DCAF5: variants seen among roughly 807,000 people sequenced by gnomAD.
DCAF5 encodes the protein DDB1- and CUL4-associated factor 5.
DCAF5 carries 9 observed loss-of-function variants against 80.7 expected under a neutral mutation model. That is an observed-to-expected ratio of 0.11 (90% confidence interval 0.07 to 0.19). DCAF5 has a LOEUF of 0.19. Ranked by LOEUF, DCAF5 falls within the 10% of genes least tolerant of loss-of-function variation. DCAF5 has a pLI of 1.00. For synonymous variants in DCAF5, 433 were observed against 461.9 expected (o/e 0.94, Z 0.80); for missense variants, 842 against 1,205.7 (o/e 0.70, Z 4.47).
At chr14:69,094,677 T>A (rs2039639694) in intron 5 of DCAF5, among the ~76,000 whole-genome samples, 1 of 152,216 alleles carries the variant, frequency 6.6e-6, no homozygotes, top group African/African-American at 2.4e-5. Flanking sequence ...TGATCTGGTT[T>A]GCCGGGAAGG....
chr14:69,144,933 C>G (rs1223258131), intron 1 of DCAF5, among the ~76,000 whole-genome samples: 1 of 152,194 alleles, frequency 6.6e-6, no homozygotes, highest in Non-Finnish European at 1.5e-5. Context: ...AAATGAAAAT[C>G]CTTCCATTTC....
chr14:69,073,322 G>T (rs913319806), intron 7 of DCAF5, among the ~76,000 whole-genome samples: 1 of 152,172 alleles, frequency 6.6e-6, no homozygotes, highest in African/African-American at 2.4e-5. Flanking sequence ...GTGAGAAGGT[G>T]GCCAAGGAAA....
chr14:69,119,963 G>A (rs1361023549), intron 2 of DCAF5, among the ~76,000 whole-genome samples: 1 of 152,104 alleles, frequency 6.6e-6, no homozygotes, highest in African/African-American at 2.4e-5. Context: ...TCAGAATAGG[G>A]CTGATCACTT....
At position 69,071,874 on chromosome 14, in the gene DCAF5, G is replaced by A. The variant is rs2038706211; in HGVS notation, c.946+3471C>T. Reference sequence around the variant, plus strand: ...AAATTGAGGTATTACATATAAAAATGAGAGGTACCAAATAGTCCTGAAGCC... The same window carrying A: ...AAATTGAGGTATTACATATAAAAATAAGAGGTACCAAATAGTCCTGAAGCC... On this transcript the variant is annotated intron_variant, in intron 7 of 8. Transcript: ENST00000341516. Among the ~76,000 whole-genome samples, 3 of 152,186 alleles carry A rather than the reference G, an allele frequency of 2.0e-5. No homozygotes were observed. The South Asian group carries it at 6.2e-4, about 32-fold the overall frequency.
At chr14:69,075,019 A>G (rs1190460634) in intron 7 of DCAF5, among the ~76,000 whole-genome samples, 1 of 149,956 alleles carries the variant, frequency 6.7e-6, no homozygotes, top group Non-Finnish European at 1.5e-5. Context: ...GGGCAACAAG[A>G]GTGAAACTTT....
At position 69,055,405 on chromosome 14, in the gene DCAF5, G is replaced by T. The variant is rs894544978; in HGVS notation, c.1281C>A (p.Ile427=). 14 of 1,614,146 alleles carry T rather than the reference G, an allele frequency of 8.7e-6. No individual in the cohort carries two copies. The highest frequency in any genetic ancestry group is 1.2e-5 in the Non-Finnish European group (14 of 1,180,024). ...AFFDSLVRRE[I]EGWSSDSDSD... ...TGTCTGAGTCAGAGCTCCAGCCCTCGATCTCTCGGCGTACCAGTGAGTCAA... is the reference window on the plus strand; with the variant it reads ...TGTCTGAGTCAGAGCTCCAGCCCTCTATCTCTCGGCGTACCAGTGAGTCAA... Residue 427 remains isoleucine, a synonymous_variant, in exon 9 of 9, where the codon ATC becomes ATA. Transcript: ENST00000341516. The surrounding 1 kb of genome is among the most constrained non-coding windows in gnomAD (Gnocchi z 5.6).
intron 8 of DCAF5, among the ~76,000 whole-genome samples, chr14:69,058,509 A>G (rs922897504): frequency 1.3e-5 from 2 of 150,142 alleles, no homozygotes; most frequent in African/African-American, 4.9e-5. Context: ...ACAAGAGCGA[A>G]ATCCTGTCTC....
In DCAF5 at chr14:69,152,727, TGCGGGGAGGC is replaced by T. The variant is rs768710108; in HGVS notation, c.214+28_214+37del. Reference sequence around the variant, plus strand: ...GAGCGAGAGGGGGAGGCTGGGAGGGTGCGGGGAGGCGCGGGGAGGGGAAGGGGGTTGATTT... The same window carrying T: ...GAGCGAGAGGGGGAGGCTGGGAGGGTGCGGGGAGGGGAAGGGGGTTGATTT... On this transcript the variant is annotated intron_variant, in intron 1 of 8. Transcript: ENST00000341516. The surrounding 1 kb of genome is among the most constrained non-coding windows in gnomAD (Gnocchi z 4.1). 9.8e-6 allele frequency: 14 copies of T among 1,430,914 alleles called. No homozygotes were observed. The highest frequency in any genetic ancestry group is 6.0e-5 in the Admixed American group (3 of 49,622). The allele number at this position is 1,430,914 out of a possible 1,614,324, so 88.6% of individuals were successfully genotyped here.
intron 7 of DCAF5, among the ~76,000 whole-genome samples, chr14:69,070,401 A>C (rs551571581): frequency 2.0e-4 from 31 of 152,356 alleles, no homozygotes; most frequent in African/African-American, 7.0e-4. Context: ...CTTGTATTTG[A>C]ATACACATTG....
chr14:69,061,938 T>C (rs2038231140), intron 8 of DCAF5, among the ~76,000 whole-genome samples: 1 of 152,180 alleles, frequency 6.6e-6, no homozygotes, highest in African/African-American at 2.4e-5. Flanking sequence ...AAGGATCGCT[T>C]GAGCCCAGAA....
At chr14:69,108,183 G>C (rs2040230049) in intron 5 of DCAF5, among the ~76,000 whole-genome samples, 1 of 152,206 alleles carries the variant, frequency 6.6e-6, no homozygotes, top group Non-Finnish European at 1.5e-5. Flanking sequence ...AGAAGTTAGG[G>C]ACAGCTGCAT....
At chr14:69,091,118 G>A (rs764922026) in intron 6 of DCAF5, 8 of 756,322 alleles carry the variant, frequency 1.1e-5, no homozygotes, top group Non-Finnish European at 1.2e-5. Context: ...GAAAAGGCTG[G>A]AAACTCACAG....
chr14:69,108,454 C>T (rs80037431), intron 5 of DCAF5, among the ~76,000 whole-genome samples: 1 of 151,934 alleles, frequency 6.6e-6, no homozygotes, highest in Non-Finnish European at 1.5e-5. Context: ...CAGTCAGAAC[C>T]TTATGGAGAG....
At chr14:69,114,511 T>C (rs1566767399) in intron 5 of DCAF5, among the ~76,000 whole-genome samples, 1 of 152,184 alleles carries the variant, frequency 6.6e-6, no homozygotes, top group African/African-American at 2.4e-5. Context: ...AGGATGCATA[T>C]GCATAGTCGT....
chr14:69,126,871 T>C (rs1224831382), intron 1 of DCAF5, among the ~76,000 whole-genome samples: 4 of 152,224 alleles, frequency 2.6e-5, no homozygotes, highest in Non-Finnish European at 4.4e-5. Flanking sequence ...AAAATGAATT[T>C]AGATACAGAC....
At chr14:69,128,614 A>G (rs1041773186) in intron 1 of DCAF5, among the ~76,000 whole-genome samples, 3 of 152,216 alleles carry the variant, frequency 2.0e-5, no homozygotes, top group Non-Finnish European at 2.9e-5. Flanking sequence ...GAATTGAAGC[A>G]GCTTAAGTAA....
chr14:69,107,239 G>A (rs2040193735), intron 5 of DCAF5, among the ~76,000 whole-genome samples: 1 of 152,118 alleles, frequency 6.6e-6, no homozygotes, highest in Admixed American at 6.6e-5. Context: ...TGTCATAAAA[G>A]ACATTTGTGT....
intron 6 of DCAF5, among the ~76,000 whole-genome samples, chr14:69,076,752 T>A (rs1566734040): frequency 1.3e-5 from 2 of 152,250 alleles, no homozygotes; most frequent in African/African-American, 4.8e-5. Context: ...GAACTGTGTA[T>A]TTTTAAATGG....
chr14:69,085,531 A>G, intron 6 of DCAF5: 1 of 274,088 alleles, frequency 3.6e-6, no homozygotes, highest in Non-Finnish European at 7.3e-6. Context: ...AGCACTGAAC[A>G]CTGTTACTTC....
Sources: allele counts gnomAD v4.1 joint callset (sites outside exome capture counted in the v4.1 genomes callset), GRCh38; gene constraint gnomAD v4.1.1; non-coding constraint Gnocchi (gnomAD v3.1); transcripts MANE v1.5; gene names NCBI Gene and HGNC (gene_info 2026-07-23, HGNC 2026-07-21).